The following PLXNA4 variants were observed in gnomAD, a reference collection of about 807,000 sequenced individuals.
PLXNA4 encodes plexin-A4.
In PLXNA4, 44 loss-of-function variants were observed where a neutral mutation model predicts 191.8. That is an observed-to-expected ratio of 0.23 (90% confidence interval 0.18 to 0.29). The LOEUF is 0.29. Among genes scored for constraint, PLXNA4 ranks in the 10% least tolerant of loss-of-function variants. The probability of loss-of-function intolerance (pLI) is 1.00; values close to 1 mark genes in which losing one functional copy is unlikely to be tolerated. For missense variants in PLXNA4, 1,800 were observed against 2,488.8 expected, an observed-to-expected ratio of 0.72 and a Z score of 5.89; for synonymous variants, 1,082 against 1,009.5, an observed-to-expected ratio of 1.07 and a Z score of -1.36.
intron 3 of PLXNA4, among the ~76,000 whole-genome samples, chr7:132,346,558 A>G (rs1379261593): frequency 6.6e-6 from 1 of 152,186 alleles, no homozygotes; most frequent in Non-Finnish European, 1.5e-5. Flanking sequence ...CAGGAAACCT[A>G]CATTGTTTTC....
At chr7:132,343,284 G>A (rs146221143) in intron 3 of PLXNA4, among the ~76,000 whole-genome samples, 4 of 152,194 alleles carry the variant, frequency 2.6e-5, no homozygotes, top group African/African-American at 9.6e-5. Flanking sequence ...TAAATGTGTG[G>A]CCGAGCAGTG....
intron 4 of PLXNA4, among the ~76,000 whole-genome samples, chr7:132,268,687 A>G (rs989631015): frequency 1.3e-5 from 2 of 152,146 alleles, no homozygotes; most frequent in Admixed American, 6.5e-5. Context: ...GACATCTCAG[A>G]CTGCTGGTGC....
chr7:132,161,651 G>A (rs1330627616), intron 24 of PLXNA4, among the ~76,000 whole-genome samples: 1 of 152,104 alleles, frequency 6.6e-6, no homozygotes, highest in African/African-American at 2.4e-5. Context: ...AGGCTTCCAG[G>A]TGCGCATCTA....
At chr7:132,375,508 T>G (rs1435533117) in intron 3 of PLXNA4, among the ~76,000 whole-genome samples, 2 of 152,208 alleles carry the variant, frequency 1.3e-5, no homozygotes, top group East Asian at 1.9e-4. Context: ...AAACTGTTGA[T>G]GTTCCTGCCC....
chr7:132,134,156 C>G (rs1474133978), intron 30 of PLXNA4, among the ~76,000 whole-genome samples: 1 of 152,196 alleles, frequency 6.6e-6, no homozygotes, highest in Non-Finnish European at 1.5e-5. Flanking sequence ...GGCACTCACT[C>G]TTGGGGTTGT....
chr7:132,544,847 G>A (rs1424622645), intron 1 of PLXNA4, among the ~76,000 whole-genome samples: 1 of 152,120 alleles, frequency 6.6e-6, no homozygotes, highest in East Asian at 1.9e-4. Context: ...CAAAGATCTT[G>A]GAGATGAAAT....
At chr7:132,539,369 G>T (rs1799976096) in intron 1 of PLXNA4, among the ~76,000 whole-genome samples, 1 of 152,194 alleles carries the variant, frequency 6.6e-6, no homozygotes, top group Admixed American at 6.5e-5. Flanking sequence ...GAATTGGAGG[G>T]CTCCAGTCAG....
At chr7:132,313,281 G>T (rs1801817230) in intron 3 of PLXNA4, among the ~76,000 whole-genome samples, 1 of 152,190 alleles carries the variant, frequency 6.6e-6, no homozygotes, top group Admixed American at 6.5e-5. Flanking sequence ...GTATTGGATG[G>T]TGGGAGTCTG....
chr7:132,434,661 G>C (rs1285118927), intron 3 of PLXNA4, among the ~76,000 whole-genome samples: 1 of 152,174 alleles, frequency 6.6e-6, no homozygotes, highest in Admixed American at 6.6e-5. Context: ...AACGTAGTCA[G>C]ATGAAAGAAC....
At chr7:132,580,106 CAT>C (rs2116810980), upstream of PLXNA4, among the ~76,000 whole-genome samples, 1 of 152,276 alleles carries the variant, frequency 6.6e-6, no homozygotes, top group South Asian at 2.1e-4. Context: ...ATTCAAAGGA[CAT>C]ACCATCTTAT....
At chr7:132,223,089 C>G (rs987813287) in intron 9 of PLXNA4, among the ~76,000 whole-genome samples, 1 of 152,228 alleles carries the variant, frequency 6.6e-6, no homozygotes, top group African/African-American at 2.4e-5. Flanking sequence ...TTCTTTCATT[C>G]TCATCTCTCT....
chr7:132,354,772 T>C (rs899181064), intron 3 of PLXNA4, among the ~76,000 whole-genome samples: 6 of 152,042 alleles, frequency 3.9e-5, no homozygotes, highest in African/African-American at 1.4e-4. Context: ...GGCAGAGAAA[T>C]AGAGAAGTGG....
chr7:132,204,348 G>A (rs1311277014), intron 10 of PLXNA4, among the ~76,000 whole-genome samples: 1 of 152,188 alleles, frequency 6.6e-6, no homozygotes, highest in Non-Finnish European at 1.5e-5. Flanking sequence ...AGGGAACTTA[G>A]AGCCCACCCT....
At chr7:132,342,631 A>T (rs537175143) in intron 3 of PLXNA4, among the ~76,000 whole-genome samples, 1 of 152,214 alleles carries the variant, frequency 6.6e-6, no homozygotes, top group East Asian at 1.9e-4. Context: ...TCCCTGGGCC[A>T]CTATATGTTT....
intron 2 of PLXNA4, among the ~76,000 whole-genome samples, chr7:132,588,732 AAGAAAAAGAAAGAAAGAGAGAAAGAG>A (rs1802551607): frequency 6.7e-6 from 1 of 150,208 alleles, no homozygotes; most frequent in Non-Finnish European, 1.5e-5. Context: ...AAAAGAAAAA[AAGAAAAAGAAAGAAAGAGAGAAAGAG>A]AGAAAAAGAA....
At chr7:132,501,343 T>G (rs1455876335) in intron 2 of PLXNA4, among the ~76,000 whole-genome samples, 1 of 152,172 alleles carries the variant, frequency 6.6e-6, no homozygotes, top group Non-Finnish European at 1.5e-5. Context: ...TGTACGCCAC[T>G]GTGCTCGGGC....
At chr7:132,305,406 A>ACACACT (rs1491312866) in intron 3 of PLXNA4, among the ~76,000 whole-genome samples, 11 of 140,072 alleles carry the variant, frequency 7.9e-5, no homozygotes, top group African/African-American at 2.7e-4. Context: ...ACACACACAC[A>ACACACT]CTCTACTCTG....
At chr7:132,222,471 C>T (rs993505798) in intron 9 of PLXNA4, among the ~76,000 whole-genome samples, 1 of 151,340 alleles carries the variant, frequency 6.6e-6, no homozygotes, top group African/African-American at 2.5e-5. Context: ...CCCCTCCTGC[C>T]CCCCTCCCCC....
At chr7:132,236,534 G>A (rs1798707272) in intron 5 of PLXNA4, among the ~76,000 whole-genome samples, 1 of 152,122 alleles carries the variant, frequency 6.6e-6, no homozygotes, top group African/African-American at 2.4e-5. Context: ...TGCCCATGGT[G>A]GGGGCCTAAC....
Sources: allele counts gnomAD v4.1 joint callset (sites outside exome capture counted in the v4.1 genomes callset), GRCh38; gene constraint gnomAD v4.1.1; transcripts MANE v1.5; gene names NCBI Gene and HGNC (gene_info 2026-07-23, HGNC 2026-07-21).